The following TBK1 variants were observed in gnomAD, a reference collection of about 807,000 sequenced individuals.
The protein encoded by TBK1 is TANK binding kinase 1, also known as serine/threonine-protein kinase TBK1.
In TBK1, 37 loss-of-function variants were observed where a neutral mutation model predicts 99.9. The ratio of observed to expected loss-of-function variants is 0.37; its 90% CI spans 0.28 to 0.49. The LOEUF (loss-of-function observed/expected upper bound fraction) is 0.49. Ranked by LOEUF, TBK1 falls within the 20% of genes least tolerant of loss-of-function variation. The pLI is 0.98. For missense variants in TBK1, 644 were observed against 872.5 expected, an observed-to-expected ratio of 0.74 and a Z score of 3.30; for synonymous variants, 258 against 279.8, an observed-to-expected ratio of 0.92 and a Z score of 0.78.
intron 6 of TBK1, among the ~76,000 whole-genome samples, chr12:64,476,174 T>C (rs866997265): frequency 5.3e-4 from 76 of 144,072 alleles, no homozygotes; most frequent in African/African-American, 1.9e-3. Flanking sequence ...TTTTTTTTTT[T>C]TGAGATGGAG....
chr12:64,496,862 AT>A, intron 16 of TBK1, 86 bp from the exon 17 acceptor site: 1 of 848,002 alleles, frequency 1.2e-6, no homozygotes. Flanking sequence ...TATAGGAAAG[AT>A]ACATTTCATA....
At chr12:64,465,127 G>GTC (rs78573452) in intron 4 of TBK1, among the ~76,000 whole-genome samples, 135,240 of 151,260 alleles carry the variant, frequency 0.89, 60,716 homozygotes, top group Admixed American at 0.94. Context: ...TGCACTTGTA[G>GTC]ACAGCTACTC....
chr12:64,484,364 C>T lies in TBK1; in HGVS notation c.1054C>T (p.Leu352Phe). The change falls in exon 9 of 21, where the codon CTT becomes TTT. Residue 352 changes from leucine to phenylalanine, a missense_variant. Physicochemically the swap from Leu to Phe is conservative, Grantham distance 22 (BLOSUM62 0). Coordinates refer to ENST00000331710, the MANE Select transcript of TBK1 (RefSeq NM_013254.4). ...CAAAATTATTTCTTCAAATCAAGAACTTATCTACGAAGGGCGACGCTTAGT... is the reference window on the plus strand; with the variant it reads ...CAAAATTATTTCTTCAAATCAAGAATTTATCTACGAAGGGCGACGCTTAGT... ...QTKIISSNQE[L>F]IYEGRRLVLE... 6.2e-7 allele frequency: 1 copy of T among 1,613,890 alleles called. No homozygotes were observed. The highest frequency in any genetic ancestry group is 1.1e-5 in the South Asian group (1 of 91,066).
At chr12:64,475,580 A>G (rs961919053) in intron 6 of TBK1, among the ~76,000 whole-genome samples, 2 of 152,182 alleles carry the variant, frequency 1.3e-5, no homozygotes, top group African/African-American at 2.4e-5. Flanking sequence ...TGAACGCAAG[A>G]TTTAGCTCTC....
At chr12:64,467,297 C>T (rs1451401351) in intron 5 of TBK1, among the ~76,000 whole-genome samples, 1 of 151,958 alleles carries the variant, frequency 6.6e-6, no homozygotes, top group Admixed American at 6.6e-5. Context: ...TTTGTAGCAC[C>T]CTTAAATTCT....
In TBK1 at chr12:64,480,103, G is replaced by A. The variant is rs780177120; in HGVS notation, c.793G>A (p.Val265Ile). 10 of 1,611,184 alleles carry A rather than the reference G, an allele frequency of 6.2e-6. No homozygotes were observed. Among genetic ancestry groups the A allele is most frequent in the Non-Finnish European group, 2.5e-6 (3 of 1,178,498 alleles). Reference sequence around the variant, plus strand: ...AATTGACTGGAGTGGAGACATGCCTGTTTCTTGCAGTCTTTCTCGGTAAGT... The same window carrying A: ...AATTGACTGGAGTGGAGACATGCCTATTTCTTGCAGTCTTTCTCGGTAAGT... Reference protein sequence around the residue: ...GPIDWSGDMPVSCSLSRGLQV... With the variant: ...GPIDWSGDMPISCSLSRGLQV... The change falls in exon 7 of 21, where the codon GTT (valine) becomes ATT (isoleucine). Residue 265 changes from valine (V) to isoleucine (I), a missense_variant. This residue lies in a region of TBK1 where 465 missense variants were observed against 588.0 expected (regional missense o/e 0.79). Transcript: ENST00000331710.
At chr12:64,483,209 C>T (rs1474578241) in intron 8 of TBK1, among the ~76,000 whole-genome samples, 2 of 152,180 alleles carry the variant, frequency 1.3e-5, no homozygotes, top group African/African-American at 4.8e-5. Flanking sequence ...CCCCATTCTC[C>T]ATGGTGTGAT....
At chr12:64,477,422 T>C (rs1451887593) in intron 6 of TBK1, among the ~76,000 whole-genome samples, 4 of 152,206 alleles carry the variant, frequency 2.6e-5, no homozygotes, top group Admixed American at 2.6e-4. Flanking sequence ...TGTGTGGCTA[T>C]GGTAAATGGG....
chr12:64,469,546 G>C (rs1319864242), intron 5 of TBK1, among the ~76,000 whole-genome samples: 1 of 152,110 alleles, frequency 6.6e-6, no homozygotes, highest in African/African-American at 2.4e-5. Context: ...AAGCAACACT[G>C]CTGAATTCAC....
intron 7 of TBK1, among the ~76,000 whole-genome samples, chr12:64,480,936 T>C (rs918167924): frequency 1.3e-5 from 2 of 152,168 alleles, no homozygotes; most frequent in Admixed American, 6.5e-5. Context: ...TAATAAAATA[T>C]CACTTATCAT....
rs61442177 is a variant in TBK1 at position 64,479,926 on chromosome 12, C to A, written c.702-86C>A. 1.9e-3 allele frequency: 1,497 copies of A among 772,534 alleles called. 12 individuals are homozygous for A. The African/African-American group carries it at 0.024, about 12-fold the overall frequency. 47.9% of individuals were successfully genotyped at this position (772,534 alleles called of 1,614,324 possible). A position where few individuals can be genotyped will look rare whatever the true frequency, so the allele number is the denominator to read the frequency against. On this transcript the variant is annotated intron_variant, in intron 6 of 20. Coordinates refer to ENST00000331710, the MANE Select transcript of TBK1 (RefSeq NM_013254.4). ...TTCATCTAGTAGATAATTGTAGGTG[C>A]AATTGAGGAAATACTTTTGCAAAGC... is the stretch of plus-strand genomic sequence containing the variant.
At chr12:64,484,941 A>G (rs1400544886) in intron 9 of TBK1, among the ~76,000 whole-genome samples, 1 of 152,214 alleles carries the variant, frequency 6.6e-6, no homozygotes, top group Admixed American at 6.5e-5. Flanking sequence ...TGTTTCCTAA[A>G]ACGATAAAAT....
At chr12:64,480,231 A>T in intron 7 of TBK1, 109 bp downstream of exon 7, 1 of 681,822 alleles carries the variant, frequency 1.5e-6, no homozygotes, top group Non-Finnish European at 2.4e-6. Flanking sequence ...TTTTATTTTA[A>T]TTAGATATTG....
At chr12:64,469,777 TTCTCTC>T (rs1191666427) in intron 5 of TBK1, among the ~76,000 whole-genome samples, 1 of 149,842 alleles carries the variant, frequency 6.7e-6, no homozygotes, top group Non-Finnish European at 1.5e-5. Flanking sequence ...CTCTTTCTCT[TTCTCTC>T]ACCCAGTACT....
At chr12:64,454,838 G>C (rs1002364631) in intron 1 of TBK1, among the ~76,000 whole-genome samples, 2 of 151,244 alleles carry the variant, frequency 1.3e-5, no homozygotes, top group African/African-American at 4.9e-5. Context: ...CACCATGCCC[G>C]GCTAATTTTT....
At chr12:64,456,851 A>T (rs1246332226) in intron 2 of TBK1, among the ~76,000 whole-genome samples, 1 of 152,016 alleles carries the variant, frequency 6.6e-6, no homozygotes, top group East Asian at 1.9e-4. Flanking sequence ...AAAAAAAAAA[A>T]AAAAGGATTT....
At chr12:64,495,825 AGTTAT>A in intron 15 of TBK1, 50 bp downstream of exon 15, 4 of 1,397,380 alleles carry the variant, frequency 2.9e-6, no homozygotes, top group Non-Finnish European at 3.9e-6. Context: ...CTTAGTAATT[AGTTAT>A]AATTCAGTTA....
intron 6 of TBK1, among the ~76,000 whole-genome samples, chr12:64,477,672 G>A (rs2040727924): frequency 6.6e-6 from 1 of 152,130 alleles, no homozygotes; most frequent in African/African-American, 2.4e-5. Flanking sequence ...CTCTGGCTGA[G>A]ACTTCTAGTA....
intron 5 of TBK1, among the ~76,000 whole-genome samples, chr12:64,467,346 C>G (rs1265342450): frequency 6.6e-6 from 1 of 152,046 alleles, no homozygotes; most frequent in Non-Finnish European, 1.5e-5. Context: ...TTAAAAGGGT[C>G]TGTTTTTTGA....
Sources: gnomAD v4.1 joint callset for allele counts (sites outside exome capture counted in the v4.1 genomes callset) on GRCh38, gnomAD v4.1.1 for gene constraint, gnomAD v4.1.1 regional missense constraint, MANE v1.5 for transcripts, NCBI Gene and HGNC (gene_info 2026-07-23, HGNC 2026-07-21) for gene names.